The following DNAH11 variants were observed in gnomAD, a reference collection of about 807,000 sequenced individuals.
The protein encoded by DNAH11 is dynein axonemal heavy chain 11, also known as axonemal beta dynein heavy chain 11.
A neutral mutation model predicts 526.0 loss-of-function variants in DNAH11; 442 were observed. The observed-to-expected ratio is 0.84, with a 90% CI of 0.78 to 0.91. The LOEUF is 0.91. Among genes scored for constraint, DNAH11 ranks in the 40% least tolerant of loss-of-function variants. DNAH11 has a pLI of 0.00. For missense variants in DNAH11, 6,989 were observed against 5,448.7 expected (o/e 1.28, Z -8.90); for synonymous variants, 2,461 against 1,935.9 (o/e 1.27, Z -7.12).
intron 74 of DNAH11, among the ~76,000 whole-genome samples, chr7:21,880,223 A>T (rs1783865703): frequency 6.6e-6 from 1 of 152,198 alleles, no homozygotes; most frequent in Non-Finnish European, 1.5e-5. Flanking sequence ...TGGTTGGATG[A>T]CACAAATGGC....
chr7:21,617,829 C>T (rs1055736477), intron 23 of DNAH11, 52 bp downstream of exon 23: 3 of 1,486,212 alleles, frequency 2.0e-6, no homozygotes, highest in East Asian at 2.3e-5. Context: ...TGAAGTGTTA[C>T]TTCTTGGTTT....
chr7:21,543,385 C>T lies in DNAH11; in HGVS notation c.140C>T (p.Ala47Val), dbSNP rs1311235599. ...EEEENEEEAA[A>V]RRARSFAQDA... is the part of the protein sequence containing the mutation. ...GAGGAGAACGAGGAGGAGGCGGCGG[C>T]CAGGAGAGCGCGGAGTTTCGCCCAA... The change falls in exon 1 of 82, where the codon GCC becomes GTC. Residue 47 changes from alanine (A) to valine (V), a missense_variant. Ala to Val is a moderately conservative substitution (Grantham distance 64, BLOSUM62 0). Transcript: ENST00000409508. 12 of 1,551,960 alleles carry T rather than the reference C, an allele frequency of 7.7e-6. No homozygotes were observed. Among genetic ancestry groups the T allele is most frequent in the African/African-American group, 4.1e-5 (3 of 73,088 alleles).
intron 35 of DNAH11, among the ~76,000 whole-genome samples, chr7:21,691,425 C>T (rs1335144470): frequency 2.6e-5 from 4 of 151,698 alleles, no homozygotes; most frequent in Admixed American, 2.6e-4. Context: ...TCCTGCCGCT[C>T]TCCTTGGGCT....
intron 76 of DNAH11, among the ~76,000 whole-genome samples, chr7:21,888,594 A>G (rs1431880525): frequency 6.6e-6 from 1 of 151,966 alleles, no homozygotes; most frequent in African/African-American, 2.4e-5. Flanking sequence ...GATTCAAGTC[A>G]TTCTCCTGTC....
chr7:21,760,602 A>C (rs1786856354), intron 54 of DNAH11, among the ~76,000 whole-genome samples: 1 of 152,214 alleles, frequency 6.6e-6, no homozygotes, highest in South Asian at 2.1e-4. Context: ...AGAGCTATGC[A>C]CACATTTTTG....
At chr7:21,708,677 A>G (rs916073282) in intron 40 of DNAH11, among the ~76,000 whole-genome samples, 3 of 152,062 alleles carry the variant, frequency 2.0e-5, no homozygotes, top group Non-Finnish European at 2.9e-5. Flanking sequence ...ACCACTTACT[A>G]TAAGCCATTC....
At chr7:21,714,524 A>G (rs900381885) in intron 42 of DNAH11, among the ~76,000 whole-genome samples, 8 of 152,334 alleles carry the variant, frequency 5.3e-5, no homozygotes, top group Admixed American at 3.9e-4. Context: ...TATTAACAAA[A>G]TGATAGCTTT....
In DNAH11 at chr7:21,543,614, A is replaced by AG; in HGVS notation, c.351+22dup. The AG allele has an allele frequency of 6.4e-7, 1 of 1,568,648 alleles. No individual in the cohort carries two copies. Among genetic ancestry groups the AG allele is most frequent in the Non-Finnish European group, 8.6e-7 (1 of 1,156,268 alleles). On this transcript the variant is annotated intron_variant, in intron 1 of 81. Coordinates refer to ENST00000409508, the MANE Select transcript of DNAH11 (RefSeq NM_001277115.2). Reference sequence around the variant, plus strand: ...CCCAGGAGGTAAGAGGCGACGGGCAAGGGGACCTGCCCATCCAACAAAACT... The same window carrying AG: ...CCCAGGAGGTAAGAGGCGACGGGCAAGGGGGACCTGCCCATCCAACAAAACT...
chr7:21,737,870 A>G (rs1785684683), intron 46 of DNAH11, among the ~76,000 whole-genome samples: 1 of 152,216 alleles, frequency 6.6e-6, no homozygotes, highest in Non-Finnish European at 1.5e-5. Context: ...GGTAATGGCT[A>G]GTAAGAATTA....
rs201793112 is a variant in DNAH11 at position 21,558,875 on chromosome 7, A to G, written c.569A>G (p.Tyr190Cys). Reference sequence around the variant, plus strand: ...TGTTTTACTTCACAAGATATGGAATATCACATAGAAGTCATGAAAAAGAAG... The same window carrying G: ...TGTTTTACTTCACAAGATATGGAATGTCACATAGAAGTCATGAAAAAGAAG... ...WSCFTSQDMEYHIEVMKKKMY... is the reference protein window; with the variant it reads ...WSCFTSQDMECHIEVMKKKMY... The change falls in exon 3 of 82, where the codon TAT becomes TGT. Residue 190 changes from tyrosine to cysteine, a missense_variant. By Grantham distance (194) the Tyr-to-Cys change is radical. Coordinates refer to ENST00000409508, the MANE Select transcript of DNAH11 (RefSeq NM_001277115.2). 6.2e-7 allele frequency: 1 copy of G among 1,609,146 alleles called. No homozygotes were observed.
At chr7:21,688,214 A>G (rs772173288) in intron 34 of DNAH11, among the ~76,000 whole-genome samples, 4 of 152,116 alleles carry the variant, frequency 2.6e-5, no homozygotes, top group Admixed American at 6.5e-5. Context: ...CCTCTCCTAC[A>G]TCTCTCTCCC....
At chr7:21,644,493 C>G (rs940598988) in intron 28 of DNAH11, among the ~76,000 whole-genome samples, 3 of 151,964 alleles carry the variant, frequency 2.0e-5, no homozygotes, top group African/African-American at 7.3e-5. Context: ...AAAATGAAAT[C>G]CATAAAAAAA....
chr7:21,843,474 T>C (rs972717598), intron 66 of DNAH11, among the ~76,000 whole-genome samples: 1 of 138,378 alleles, frequency 7.2e-6, no homozygotes, highest in African/African-American at 3.3e-5. Flanking sequence ...TATGCTCAGG[T>C]TTTTTTTGTT....
chr7:21,707,787 A>C lies in DNAH11; in HGVS notation c.6635A>C (p.Glu2212Ala), dbSNP rs1784326336. Residue 2212 changes from glutamate to alanine, a missense_variant, in exon 40 of 82, where the codon GAA becomes GCA. Transcript: ENST00000409508. ...DLNPKAVTTD[E>A]LFGFIHHATR... ...AACCCTAAAGCTGTGACAACAGATG[A>C]ACTCTTTGGTTTCATACATCATGCT... 1 of 1,612,486 alleles carries C rather than the reference A, an allele frequency of 6.2e-7. No homozygotes were observed. Among genetic ancestry groups the C allele is most frequent in the Admixed American group, 1.7e-5 (1 of 59,762 alleles).
At chr7:21,605,218 A>G (rs546661373) in intron 18 of DNAH11, among the ~76,000 whole-genome samples, 2 of 152,314 alleles carry the variant, frequency 1.3e-5, no homozygotes, top group African/African-American at 4.8e-5. Context: ...CGTTCATCAA[A>G]TATTTACTGA....
At chr7:21,852,346 G>A (rs1031899292) in intron 66 of DNAH11, 121 bp from the exon 67 acceptor site, 55 of 968,384 alleles carry the variant, frequency 5.7e-5, no homozygotes, top group Middle Eastern at 3.2e-4. Flanking sequence ...GGCACACGTC[G>A]CAGTGAGCCA....
chr7:21,587,997 C>T (rs1466362564), intron 9 of DNAH11, 67 bp from the exon 10 acceptor site: 29 of 1,486,566 alleles, frequency 2.0e-5, no homozygotes, highest in Admixed American at 9.5e-5. Flanking sequence ...TGAAGGGGAA[C>T]ATTATGAGCT....
At chr7:21,557,787 T>C (rs1783278845) in intron 2 of DNAH11, among the ~76,000 whole-genome samples, 1 of 152,198 alleles carries the variant, frequency 6.6e-6, no homozygotes, top group Non-Finnish European at 1.5e-5. Context: ...TCCCGTGTTT[T>C]CATATGCATC....
chr7:21,884,526 C>T, intron 76 of DNAH11, 116 bp downstream of exon 76: 1 of 1,142,872 alleles, frequency 8.7e-7, no homozygotes, highest in Non-Finnish European at 1.2e-6. Context: ...GGATGCTTGG[C>T]CTTTTGGGAA....
Sources: allele counts gnomAD v4.1 joint callset (sites outside exome capture counted in the v4.1 genomes callset), GRCh38; gene constraint gnomAD v4.1.1; transcripts MANE v1.5; gene names NCBI Gene and HGNC (gene_info 2026-07-23, HGNC 2026-07-21).